Variants in LRR1 observed in about 807,000 individuals in gnomAD.
LRR1 encodes the protein leucine rich repeat protein 1, also known as leucine-rich repeat protein 1.
LRR1 carries 29 observed loss-of-function variants against 31.6 expected under a neutral mutation model. The ratio of observed to expected loss-of-function variants is 0.92; its 90% CI spans 0.68 to 1.25. The LOEUF (loss-of-function observed/expected upper bound fraction) is 1.25. Among genes scored for constraint, LRR1 ranks in the 50% most tolerant of loss-of-function variants. The pLI, the probability that LRR1 is intolerant of heterozygous loss-of-function variation, is 0.00. For synonymous variants in LRR1, 179 were observed against 181.4 expected (o/e 0.99, Z 0.10); for missense variants, 485 against 487.2 (o/e 1.00, Z 0.04).
At chr14:49,599,393 A>G (rs989975841) in intron 1 of LRR1, among the ~76,000 whole-genome samples, 190 bp downstream of exon 1, 1 of 152,242 alleles carries the variant, frequency 6.6e-6, no homozygotes, top group Non-Finnish European at 1.5e-5. Context: ...CGGACCCGAA[A>G]GAAGAAAGCT....
chr14:49,612,029 A>G (rs529161998), intron 3 of LRR1, among the ~76,000 whole-genome samples: 1 of 152,348 alleles, frequency 6.6e-6, no homozygotes, highest in East Asian at 1.9e-4. Context: ...AAAAGATTAT[A>G]ACAAGTTTGG....
At chr14:49,611,583 T>C (rs1000132013) in intron 3 of LRR1, among the ~76,000 whole-genome samples, 1 of 152,044 alleles carries the variant, frequency 6.6e-6, no homozygotes, top group Non-Finnish European at 1.5e-5. Context: ...GGCAGTGAGG[T>C]GCACCTGAGG....
chr14:49,608,055 C>G lies in LRR1; in HGVS notation c.938C>G (p.Pro313Arg). ...ACTTTTGAACAACCAAAAGTCCTTC[C>G]AGTAATAAAGCTGCAAGCACCATTA... Reference protein sequence around the residue: ...GNTFEQPKVLPVIKLQAPLTL... With the variant: ...GNTFEQPKVLRVIKLQAPLTL... The change falls in exon 3 of 4, where the codon CCA (proline) becomes CGA (arginine). Residue 313 changes from proline to arginine, a missense_variant. Around this residue, in one of 3 missense-constraint regions of LRR1, gnomAD observed 210 missense variants for 200.4 expected, o/e 1.05. Coordinates refer to ENST00000298288, the MANE Select transcript of LRR1 (RefSeq NM_152329.4). 1 of 1,610,930 alleles carries G rather than the reference C, an allele frequency of 6.2e-7. No homozygotes were observed. The highest frequency in any genetic ancestry group is 8.5e-7 in the Non-Finnish European group (1 of 1,179,062).
At chr14:49,613,046 G>A (rs1290585285) in intron 3 of LRR1, among the ~76,000 whole-genome samples, 4 of 151,528 alleles carry the variant, frequency 2.6e-5, no homozygotes, top group African/African-American at 4.9e-5. Context: ...CTAAAAATGC[G>A]AAAATTAGCC....
chr14:49,600,125 C>G, intron 1 of LRR1: 1 of 1,570,206 alleles, frequency 6.4e-7, no homozygotes, highest in South Asian at 1.1e-5. Flanking sequence ...CCGTCTTCGA[C>G]CACTACACAG....
rs1222725598 is a variant in LRR1 at position 49,599,310 on chromosome 14, C to T, written c.183+107C>T. On this transcript the variant is annotated intron_variant, in intron 1 of 3. Coordinates refer to ENST00000298288, the MANE Select transcript of LRR1 (RefSeq NM_152329.4). ...CGGCTGCTCCCTAGGCGAAAGCCCG[C>T]CTTGGGGGTTCCTGAACTCCCAGCC... 4 of 1,298,990 alleles carry T rather than the reference C, an allele frequency of 3.1e-6. No homozygotes were observed. In the East Asian group the frequency reaches 7.7e-5, roughly 25 times the overall value. 80.5% of individuals were successfully genotyped at this position (1,298,990 alleles called of 1,614,324 possible).
rs1180204640 is a variant in LRR1, at chr14:49,614,509, GA to G, written c.*18del. The G allele has an allele frequency of 1.9e-6, 3 of 1,612,562 alleles. No homozygotes were observed. The highest frequency in any genetic ancestry group is 2.5e-6 in the Non-Finnish European group (3 of 1,179,558). On this transcript the variant is annotated 3_prime_UTR_variant, in exon 4 of 4. Transcript: ENST00000298288. ...TATGTTAAAGTAATGGGTGAGACCA[GA>G]AAAAGAAATTTCAATAACAGATCAG...
At chr14:49,601,079 C>G (rs201692378) in intron 1 of LRR1, 37 of 1,611,234 alleles carry the variant, frequency 2.3e-5, no homozygotes, top group Non-Finnish European at 3.1e-5. Flanking sequence ...AGGCCAGCCA[C>G]GTAGCCAAAG....
chr14:49,604,057 C>T (rs374181977), intron 2 of LRR1, among the ~76,000 whole-genome samples: 92 of 148,076 alleles, frequency 6.2e-4, no homozygotes, highest in African/African-American at 2.2e-3. Context: ...AATCCCAGCA[C>T]TTTGGAAGGC....
At chr14:49,614,191 C>A in intron 3 of LRR1, 65 bp from the exon 4 acceptor site, 1 of 1,481,002 alleles carries the variant, frequency 6.8e-7, no homozygotes, top group Non-Finnish European at 9.1e-7. Context: ...AATTCCATGT[C>A]CTAATAATTC....
intron 1 of LRR1, chr14:49,601,063 A>G: frequency 1.2e-6 from 2 of 1,611,506 alleles, no homozygotes; most frequent in Non-Finnish European, 1.7e-6. Context: ...GAGTGGTGAA[A>G]TAACAAGGCC....
At chr14:49,599,700 G>C (rs915736080) in intron 1 of LRR1, among the ~76,000 whole-genome samples, 1 of 150,902 alleles carries the variant, frequency 6.6e-6, no homozygotes. Context: ...GGATCCTCCT[G>C]GGGAGGCCGG....
At position 49,614,626 on chromosome 14, in the gene LRR1, T is replaced by C; in HGVS notation, c.*130T>C. ...GGAGAGGAGGAATGTGTATAGTTAC[T>C]CATTTAGATGACTCCAAAACTTTTA... On this transcript the variant is annotated 3_prime_UTR_variant, in exon 4 of 4. Coordinates refer to ENST00000298288, the MANE Select transcript of LRR1 (RefSeq NM_152329.4). The C allele has an allele frequency of 7.9e-7, 1 of 1,270,718 alleles. No homozygotes were observed. Among genetic ancestry groups the C allele is most frequent in the African/African-American group, 1.5e-5 (1 of 68,460 alleles). The allele number at this position is 1,270,718 out of a possible 1,614,324, so 78.7% of individuals were successfully genotyped here.
Position 49,607,825 on chromosome 14 carries a change from C to G in LRR1, c.708C>G (p.Asn236Lys). The change falls in exon 3 of 4, where the codon AAC becomes AAG. Residue 236 changes from asparagine to lysine, a missense_variant. Coordinates refer to ENST00000298288, the MANE Select transcript of LRR1 (RefSeq NM_152329.4). The stretch of plus-strand genomic sequence containing the variant: ...TTCGGAGTTTGGACCTCAGCAAGAA[C>G]AAAATCAAGGCACTCCCTGTGCAGT... ...KSLRSLDLSK[N>K]KIKALPVQFC... 2 of 1,614,112 alleles carry G rather than the reference C, an allele frequency of 1.2e-6. No individual in the cohort carries two copies. Among genetic ancestry groups the G allele is most frequent in the Non-Finnish European group, 1.7e-6 (2 of 1,179,988 alleles).
At chr14:49,599,948 G>T in intron 1 of LRR1, 1 of 1,482,458 alleles carries the variant, frequency 6.7e-7, no homozygotes, top group South Asian at 1.3e-5. Context: ...GGCCGGGGCG[G>T]GGGCTCCGGG....
chr14:49,599,194 C>G lies in LRR1; in HGVS notation c.174C>G (p.Thr58=), dbSNP rs1410998662. The part of the protein sequence containing the change: ...LISTLKDKRG[T]RYELRENIEQ... ...CCACCCTGAAGGACAAGCGCGGGAC[C>G]CGCTATGAGGTGCGTGAAGTGGGCA... Residue 58 remains threonine, a synonymous_variant, in exon 1 of 4, where the codon ACC becomes ACG. Coordinates refer to ENST00000298288, the MANE Select transcript of LRR1 (RefSeq NM_152329.4). 7 of 1,606,036 alleles carry G rather than the reference C, an allele frequency of 4.4e-6. No homozygotes were observed. The highest frequency in any genetic ancestry group is 1.3e-5 in the African/African-American group (1 of 74,954).
intron 2 of LRR1, chr14:49,603,634 C>A: frequency 9.6e-7 from 1 of 1,045,992 alleles, no homozygotes; most frequent in Non-Finnish European, 1.2e-6. Flanking sequence ...TGCCACCACT[C>A]CTGGCGAATT....
Position 49,607,718 on chromosome 14 carries a change from C to T in LRR1, c.601C>T (p.His201Tyr). The T allele has an allele frequency of 1.2e-6, 2 of 1,612,870 alleles. No individual in the cohort carries two copies. The highest frequency in any genetic ancestry group is 1.7e-6 in the Non-Finnish European group (2 of 1,179,340). Reference sequence around the variant, plus strand: ...TCCAGCTACAATTGGAGACCTCATACACCTTCAAGAACTTAACCTGAATGA... The same window carrying T: ...TCCAGCTACAATTGGAGACCTCATATACCTTCAAGAACTTAACCTGAATGA... ...KLPATIGDLI[H>Y]LQELNLNDNH... is the part of the protein sequence containing the mutation. The change falls in exon 3 of 4, where the codon CAC becomes TAC. Residue 201 changes from histidine (H) to tyrosine (Y), a missense_variant. By Grantham distance (83) the His-to-Tyr change is moderately conservative. This residue lies in a region of LRR1 where 260 missense variants were observed against 249.6 expected (regional missense o/e 1.04). Coordinates refer to ENST00000298288, the MANE Select transcript of LRR1 (RefSeq NM_152329.4).
At chr14:49,600,221 A>G (rs537950398) in intron 1 of LRR1, 20 of 1,485,162 alleles carry the variant, frequency 1.3e-5, no homozygotes, top group Middle Eastern at 1.7e-4. Flanking sequence ...TGAGGCCTTT[A>G]TCTTACCCAA....
Sources: allele counts gnomAD v4.1 joint callset (sites outside exome capture counted in the v4.1 genomes callset), GRCh38; gene constraint gnomAD v4.1.1; regional missense constraint gnomAD v4.1.1; transcripts MANE v1.5; gene names NCBI Gene and HGNC (gene_info 2026-07-23, HGNC 2026-07-21).